PTPRO: variants seen among roughly 807,000 people sequenced by gnomAD.
PTPRO encodes protein tyrosine phosphatase receptor type O.
PTPRO carries 62 observed loss-of-function variants against 145.2 expected under a neutral mutation model. That is an observed-to-expected ratio of 0.43 (90% CI 0.35 to 0.53). The LOEUF (loss-of-function observed/expected upper bound fraction) is 0.53. Among genes scored for constraint, PTPRO ranks in the 20% least tolerant of loss-of-function variants. The pLI, the probability that PTPRO is intolerant of heterozygous loss-of-function variation, is 0.01. For synonymous variants in PTPRO, 565 were observed against 514.7 expected (o/e 1.10, Z -1.32); for missense variants, 1,345 against 1,482.7 (o/e 0.91, Z 1.53).
At chr12:15,518,198 G>T (rs145317546) in intron 9 of PTPRO, among the ~76,000 whole-genome samples, 1 of 151,912 alleles carries the variant, frequency 6.6e-6, no homozygotes, top group Non-Finnish European at 1.5e-5. Flanking sequence ...AAGCCTTGGG[G>T]CTTGCACCCT....
At chr12:15,494,686 A>G (rs1243748689) in intron 2 of PTPRO, among the ~76,000 whole-genome samples, 1 of 124,042 alleles carries the variant, frequency 8.1e-6, no homozygotes. Flanking sequence ...CTTGTTGCAG[A>G]AAAAAAATTG....
At chr12:15,578,800 A>G (rs892297432) in intron 19 of PTPRO, 53 bp from the exon 20 acceptor site, 9 of 1,371,654 alleles carry the variant, frequency 6.6e-6, no homozygotes, top group Non-Finnish European at 2.1e-6. Context: ...TTGAACAATA[A>G]TCCAATTCAC....
Position 15,439,700 on chromosome 12 carries a change from T to A in PTPRO, c.76-44274T>A. The A allele has an allele frequency of 2.3e-5, 11 of 475,216 alleles. 1 individual carries two copies. The highest frequency in any genetic ancestry group is 1.6e-4 in the South Asian group (10 of 61,552). The allele number at this position is 475,216 out of a possible 1,614,324, so 29.4% of individuals were successfully genotyped here. ...TCACTGAGGCAAGGCCGAGGATGAG[T>A]GGATGCCCGTCACCGAGCTGGACCT... On this transcript the variant is annotated intron_variant, in intron 1 of 26. Coordinates refer to ENST00000281171, the MANE Select transcript of PTPRO (RefSeq NM_030667.3).
At chr12:15,402,788 G>C (rs1939536999) in intron 1 of PTPRO, among the ~76,000 whole-genome samples, 1 of 152,112 alleles carries the variant, frequency 6.6e-6, no homozygotes. Context: ...AGAATAATAA[G>C]AGAATAGTGG....
intron 24 of PTPRO, among the ~76,000 whole-genome samples, chr12:15,589,068 T>C (rs1430064579): frequency 2.0e-5 from 3 of 152,182 alleles, no homozygotes; most frequent in Non-Finnish European, 4.4e-5. Flanking sequence ...ATCAGTTTTA[T>C]TTCAACAGTA....
At chr12:15,439,662 G>A (rs1017612248) in intron 1 of PTPRO, 6 of 422,174 alleles carry the variant, frequency 1.4e-5, no homozygotes, top group African/African-American at 8.1e-5. Flanking sequence ...AGCTGGGGCT[G>A]AGGCCACGGA....
In PTPRO at chr12:15,485,238, A is replaced by G. The variant is rs139096027; in HGVS notation, c.349+991A>G. 4.1e-3 allele frequency among the ~76,000 whole-genome samples: 629 copies of G among 152,268 alleles called. 2 individuals are homozygous for G. Among genetic ancestry groups the G allele is most frequent in the African/African-American group, 0.014 (598 of 41,570 alleles). ...AATTAATTAAAGTCTCCATTGGCAC[A>G]ATCCCAGGATCAGTAGTGAGTCCTA... On this transcript the variant is annotated intron_variant, in intron 2 of 26. Coordinates refer to ENST00000281171, the MANE Select transcript of PTPRO (RefSeq NM_030667.3).
At chr12:15,423,519 C>A (rs541375488) in intron 1 of PTPRO, among the ~76,000 whole-genome samples, 2 of 151,712 alleles carry the variant, frequency 1.3e-5, no homozygotes, top group Admixed American at 6.6e-5. Context: ...CTAGAAAGTT[C>A]TATGCACTTA....
At chr12:15,504,430 A>G (rs1281929212) in intron 6 of PTPRO, among the ~76,000 whole-genome samples, 1 of 152,290 alleles carries the variant, frequency 6.6e-6, no homozygotes, top group East Asian at 1.9e-4. Context: ...TAGGACTGTG[A>G]AAAATCTCAT....
At chr12:15,431,798 T>C (rs1940447046) in intron 1 of PTPRO, among the ~76,000 whole-genome samples, 1 of 152,206 alleles carries the variant, frequency 6.6e-6, no homozygotes, top group South Asian at 2.1e-4. Context: ...TGATAACTGT[T>C]TATGATTCTT....
intron 1 of PTPRO, among the ~76,000 whole-genome samples, chr12:15,448,338 G>GAAAAA (rs1565635275): frequency 5.2e-4 from 2 of 3,858 alleles, no homozygotes; most frequent in African/African-American, 6.2e-4. Flanking sequence ...CCTGTTCCTA[G>GAAAAA]TAAAAAAAAA....
Position 15,546,640 on chromosome 12 carries a change from G to A in PTPRO, c.2236G>A (p.Glu746Lys). 6.2e-7 allele frequency: 1 copy of A among 1,613,932 alleles called. No homozygotes were observed. The highest frequency in any genetic ancestry group is 8.5e-7 in the Non-Finnish European group (1 of 1,179,926). Residue 746 changes from glutamate (E) to lysine (K), a missense_variant, in exon 13 of 27, where the codon GAG becomes AAG. Glu to Lys is a moderately conservative substitution (Grantham distance 56). Coordinates refer to ENST00000281171, the MANE Select transcript of PTPRO (RefSeq NM_030667.3). ...QTSVTLLWVE[E>K]GVADFFEVFC... ...TTCAGTGACTTTGCTGTGGGTGGAAGAGGGAGTAGCTGATTTCTTTGAAGT... is the reference window on the plus strand; with the variant it reads ...TTCAGTGACTTTGCTGTGGGTGGAAAAGGGAGTAGCTGATTTCTTTGAAGT...
At chr12:15,387,594 C>T (rs1939065609) in intron 1 of PTPRO, among the ~76,000 whole-genome samples, 1 of 152,164 alleles carries the variant, frequency 6.6e-6, no homozygotes, top group South Asian at 2.1e-4. Context: ...CCCCTTAGTA[C>T]TTTCTTCATA....
chr12:15,527,162 A>G (rs1297829068), intron 12 of PTPRO, among the ~76,000 whole-genome samples: 2 of 152,222 alleles, frequency 1.3e-5, no homozygotes, highest in Non-Finnish European at 2.9e-5. Flanking sequence ...GCAACAACCC[A>G]GAACTCAAAT....
intron 25 of PTPRO, among the ~76,000 whole-genome samples, chr12:15,592,253 C>T (rs1591779618): frequency 6.6e-6 from 1 of 152,192 alleles, no homozygotes; most frequent in South Asian, 2.1e-4. Flanking sequence ...CAAAAGTTAA[C>T]AAGGAAAGAA....
intron 1 of PTPRO, among the ~76,000 whole-genome samples, chr12:15,349,084 A>C (rs996735327): frequency 2.6e-5 from 4 of 152,218 alleles, no homozygotes; most frequent in African/African-American, 7.2e-5. Context: ...TTTATGGAAC[A>C]AGTAATACCG....
chr12:15,339,692 T>C (rs1206163897), intron 1 of PTPRO, among the ~76,000 whole-genome samples: 1 of 152,292 alleles, frequency 6.6e-6, no homozygotes, highest in South Asian at 2.1e-4. Context: ...AAATGGATTT[T>C]TTCAGAGACA....
chr12:15,564,417 A>T (rs966138907), intron 17 of PTPRO, among the ~76,000 whole-genome samples: 1 of 152,192 alleles, frequency 6.6e-6, no homozygotes, highest in Non-Finnish European at 1.5e-5. Context: ...TTTCAGTTCA[A>T]CTGAATAAGC....
At chr12:15,488,812 A>T (rs1347720591) in intron 2 of PTPRO, among the ~76,000 whole-genome samples, 2 of 152,172 alleles carry the variant, frequency 1.3e-5, no homozygotes, top group African/African-American at 2.4e-5. Flanking sequence ...AGGCTGTGAC[A>T]TGTCATTAAT....
Sources: allele counts gnomAD v4.1 joint callset (sites outside exome capture counted in the v4.1 genomes callset), GRCh38; gene constraint gnomAD v4.1.1; transcripts MANE v1.5; gene names NCBI Gene and HGNC (gene_info 2026-07-23, HGNC 2026-07-21).